PDE4D: variants seen among roughly 807,000 people sequenced by gnomAD.
PDE4D encodes the protein 3',5'-cyclic-AMP phosphodiesterase 4D.
Under a neutral mutation model 87.4 loss-of-function variants are expected in PDE4D, and 24 were observed. The observed-to-expected ratio is 0.27, with a 90% CI of 0.20 to 0.39. The LOEUF (loss-of-function observed/expected upper bound fraction) is 0.39, where lower values mean the gene tolerates loss of function less well. Ranked by LOEUF, PDE4D falls within the 10% of genes least tolerant of loss-of-function variation. The pLI, the probability that PDE4D is intolerant of heterozygous loss-of-function variation, is 1.00. For synonymous variants in PDE4D, 384 were observed against 383.2 expected (o/e 1.00, Z -0.02); for missense variants, 714 against 1,041.0 (o/e 0.69, Z 4.32).
intron 2 of PDE4D, among the ~76,000 whole-genome samples, chr5:60,066,734 C>T (rs1772147594): frequency 1.3e-5 from 2 of 152,068 alleles, no homozygotes; most frequent in South Asian, 2.1e-4. Flanking sequence ...GCTTAGTCTA[C>T]ATAATTTAAA....
At chr5:59,500,069 C>G (rs989164176) in intron 1 of PDE4D, among the ~76,000 whole-genome samples, 1 of 152,058 alleles carries the variant, frequency 6.6e-6, no homozygotes, top group Non-Finnish European at 1.5e-5. Context: ...TCTCACACCA[C>G]TCAGAATGGC....
chr5:60,267,421 A>G (rs781324683), intron 1 of PDE4D, among the ~76,000 whole-genome samples: 1 of 152,218 alleles, frequency 6.6e-6, no homozygotes, highest in Non-Finnish European at 1.5e-5. Context: ...CTTCAAAACC[A>G]TGTGCTGTCA....
chr5:60,313,138 G>A (rs1387188797), intron 1 of PDE4D, among the ~76,000 whole-genome samples: 3 of 151,858 alleles, frequency 2.0e-5, no homozygotes, highest in Non-Finnish European at 4.4e-5. Context: ...ATGAATCCAG[G>A]AGTTGGTTTT....
chr5:59,563,417 C>T (rs773398290), intron 1 of PDE4D, among the ~76,000 whole-genome samples: 30 of 152,182 alleles, frequency 2.0e-4, no homozygotes, highest in Non-Finnish European at 3.7e-4. Flanking sequence ...GCCACAGTAG[C>T]CCATGGAAAG....
At chr5:59,553,471 CT>C (rs1818436548) in intron 1 of PDE4D, among the ~76,000 whole-genome samples, 1 of 152,104 alleles carries the variant, frequency 6.6e-6, no homozygotes, top group African/African-American at 2.4e-5. Context: ...GTGAGCAGGG[CT>C]CCCCTTCCTC....
At chr5:59,502,870 C>T (rs573026314) in intron 1 of PDE4D, among the ~76,000 whole-genome samples, 3 of 148,224 alleles carry the variant, frequency 2.0e-5, no homozygotes, top group Non-Finnish European at 4.5e-5. Context: ...ATCACAATAT[C>T]TTGATAGGAT....
intron 1 of PDE4D, among the ~76,000 whole-genome samples, chr5:59,878,742 TCTTTACTGCCATGTCCATC>T (rs1748972039): frequency 1.3e-5 from 2 of 152,186 alleles, no homozygotes; most frequent in South Asian, 4.1e-4. Context: ...TAAATTCATC[TCTTTACTGCCATGTCCATC>T]CTTTACTGCC....
chr5:59,304,432 G>C (rs1436462341), intron 1 of PDE4D, among the ~76,000 whole-genome samples: 1 of 152,068 alleles, frequency 6.6e-6, no homozygotes, highest in Non-Finnish European at 1.5e-5. Context: ...CCATTACTAT[G>C]TTGAAGAAGA....
intron 3 of PDE4D, among the ~76,000 whole-genome samples, chr5:59,919,558 C>T (rs1287224238): frequency 6.6e-6 from 1 of 152,122 alleles, no homozygotes; most frequent in Non-Finnish European, 1.5e-5. Flanking sequence ...GATTCACATC[C>T]TCTAAAAGCC....
At chr5:60,272,796 C>T (rs947100226) in intron 1 of PDE4D, among the ~76,000 whole-genome samples, 4 of 152,120 alleles carry the variant, frequency 2.6e-5, no homozygotes, top group African/African-American at 9.7e-5. Flanking sequence ...TATAATACCT[C>T]GGCAGAAGGG....
Position 59,061,763 on chromosome 5 carries a change from A to G in PDE4D, c.809-22792T>C, listed in dbSNP as rs1284235072. On this transcript the variant is annotated intron_variant, in intron 5 of 14. Transcript: ENST00000340635. ...TGCTCAAACTCGTTTTGGGAAAAAA[A>G]ATTGCAACTGTCAGAAATGTGTTAG... Among the ~76,000 whole-genome samples the G allele has an allele frequency of 2.0e-5, 3 of 152,154 alleles. No individual in the cohort carries two copies. The East Asian group carries it at 5.8e-4, about 29-fold the overall frequency.
At chr5:59,521,554 AT>A (rs1172006650) in intron 1 of PDE4D, among the ~76,000 whole-genome samples, 1 of 152,148 alleles carries the variant, frequency 6.6e-6, no homozygotes, top group Non-Finnish European at 1.5e-5. Context: ...TCTGTGCACC[AT>A]TCTTCTCCCA....
At chr5:60,127,105 G>A (rs1180629827) in intron 2 of PDE4D, among the ~76,000 whole-genome samples, 1 of 152,136 alleles carries the variant, frequency 6.6e-6, no homozygotes, top group African/African-American at 2.4e-5. Flanking sequence ...AAAAGCAGAA[G>A]CATGTGTTCC....
At chr5:59,395,986 T>C (rs1275323467) in intron 1 of PDE4D, among the ~76,000 whole-genome samples, 1 of 119,530 alleles carries the variant, frequency 8.4e-6, no homozygotes, top group African/African-American at 3.4e-5. Flanking sequence ...GTATCAGCAA[T>C]GGAAGATGAA....
intron 1 of PDE4D, among the ~76,000 whole-genome samples, chr5:60,513,621 CT>C (rs534106989): frequency 4.3e-4 from 65 of 152,080 alleles, no homozygotes; most frequent in African/African-American, 1.4e-3. Context: ...AATTCAAATT[CT>C]CTTAAAGTGA....
intron 1 of PDE4D, among the ~76,000 whole-genome samples, chr5:59,741,374 CA>C (rs1256924490): frequency 6.6e-6 from 1 of 152,012 alleles, no homozygotes; most frequent in African/African-American, 2.4e-5. Flanking sequence ...ACCCTTCGTC[CA>C]GTCAATAAGC....
intron 2 of PDE4D, among the ~76,000 whole-genome samples, chr5:60,042,568 G>A (rs554618087): frequency 6.6e-6 from 1 of 152,298 alleles, no homozygotes; most frequent in Non-Finnish European, 1.5e-5. Flanking sequence ...TCTGGTGGGT[G>A]CCCCTCTGGG....
At position 59,616,945 on chromosome 5, in the gene PDE4D, A is replaced by ATATC. The variant is rs936160133; in HGVS notation, c.455+276222_455+276223insGATA. 1.4e-4 allele frequency among the ~76,000 whole-genome samples: 19 copies of ATATC among 137,262 alleles called. 1 individual carries two copies. Among genetic ancestry groups the ATATC allele is most frequent in the South Asian group, 4.7e-4 (2 of 4,242 alleles). 90.0% of individuals were successfully genotyped at this position (137,262 alleles called of 152,430 possible). A position where few individuals can be genotyped will look rare whatever the true frequency, so the allele number is the denominator to read the frequency against. ...TATATATATATATATATATATATAT[A>ATATC]TCTCCAAGATTTTAAAGTATTAGGT... On this transcript the variant is annotated intron_variant, in intron 1 of 14. Coordinates refer to ENST00000340635, the MANE Select transcript of PDE4D (RefSeq NM_001104631.2).
intron 1 of PDE4D, among the ~76,000 whole-genome samples, chr5:59,500,140 G>A (rs772741495): frequency 5.3e-5 from 8 of 152,112 alleles, no homozygotes; most frequent in Non-Finnish European, 7.4e-5. Context: ...AAAAGGGAAC[G>A]CTTGCACACT....
Sources: allele counts gnomAD v4.1 joint callset (sites outside exome capture counted in the v4.1 genomes callset), GRCh38; gene constraint gnomAD v4.1.1; transcripts MANE v1.5; gene names NCBI Gene and HGNC (gene_info 2026-07-23, HGNC 2026-07-21).